Variants in HSD17B12 observed in about 807,000 individuals in gnomAD.
HSD17B12 encodes very-long-chain 3-oxoacyl-CoA reductase.
A neutral mutation model predicts 39.3 loss-of-function variants in HSD17B12; 32 were observed. That is an observed-to-expected ratio of 0.81 (90% CI 0.61 to 1.09). The LOEUF is 1.09. Ranked by LOEUF, HSD17B12 falls within the 50% of genes least tolerant of loss-of-function variation. The pLI is 0.00. For missense variants in HSD17B12, 342 were observed against 382.9 expected (o/e 0.89, Z 0.89); for synonymous variants, 150 against 146.7 (o/e 1.02, Z -0.16).
At chr11:43,797,497 G>T (rs997373722) in intron 3 of HSD17B12, among the ~76,000 whole-genome samples, 6 of 152,208 alleles carry the variant, frequency 3.9e-5, no homozygotes, top group Admixed American at 2.6e-4. Context: ...GAGGCTCAAA[G>T]AGGATGTGTG....
intron 3 of HSD17B12, among the ~76,000 whole-genome samples, chr11:43,756,604 G>A (rs971314281): frequency 2.4e-4 from 36 of 152,320 alleles, no homozygotes; most frequent in African/African-American, 8.4e-4. Context: ...TCTACTAGTT[G>A]CTAGAAATAA....
At chr11:43,636,467 G>A in the HSD17B12 span, among the ~76,000 whole-genome samples, 1 of 152,148 alleles carries the variant, frequency 6.6e-6, no homozygotes, top group Non-Finnish European at 1.5e-5. Flanking sequence ...ACATGAGATA[G>A]AGGATATATT....
chr11:43,770,889 T>A (rs1230209808), intron 3 of HSD17B12, among the ~76,000 whole-genome samples: 1 of 152,246 alleles, frequency 6.6e-6, no homozygotes, highest in Non-Finnish European at 1.5e-5. Flanking sequence ...TTGCCTTATT[T>A]TCAGTGAAAT....
At chr11:43,708,521 A>T (rs1029855581) in intron 1 of HSD17B12, among the ~76,000 whole-genome samples, 7 of 152,242 alleles carry the variant, frequency 4.6e-5, no homozygotes, top group African/African-American at 1.7e-4. Context: ...ATTATGCAAA[A>T]AATAAGAATA....
At chr11:43,738,075 AAT>A (rs1554963889) in intron 1 of HSD17B12, among the ~76,000 whole-genome samples, 3,164 of 150,718 alleles carry the variant, frequency 0.021, 121 homozygotes, top group African/African-American at 0.073. Context: ...AAAAAAAAAA[AAT>A]AGTGAACTCT....
chr11:43,693,812 A>C (rs1191927201), intron 1 of HSD17B12, among the ~76,000 whole-genome samples: 1 of 152,220 alleles, frequency 6.6e-6, no homozygotes, highest in Non-Finnish European at 1.5e-5. Flanking sequence ...CAGTAGGAAT[A>C]TTGTCAGCTT....
intron 1 of HSD17B12, among the ~76,000 whole-genome samples, chr11:43,696,271 A>G (rs920980936): frequency 6.6e-6 from 1 of 152,174 alleles, no homozygotes; most frequent in African/African-American, 2.4e-5. Context: ...TGAGCAAGAA[A>G]GCCATGGTCT....
chr11:43,611,755 T>C, the HSD17B12 span, among the ~76,000 whole-genome samples: 1 of 152,188 alleles, frequency 6.6e-6, no homozygotes, highest in Non-Finnish European at 1.5e-5. Flanking sequence ...CAATAGTGAA[T>C]TTTTTTGTTC....
the HSD17B12 span, among the ~76,000 whole-genome samples, chr11:43,663,517 C>T: frequency 6.6e-6 from 1 of 152,190 alleles, no homozygotes; most frequent in Admixed American, 6.5e-5. Context: ...CAGACATGAG[C>T]TACCATGACC....
intron 2 of HSD17B12, among the ~76,000 whole-genome samples, chr11:43,753,573 A>ATT (rs1233540822): frequency 1.4e-5 from 2 of 140,896 alleles, no homozygotes; most frequent in Non-Finnish European, 3.1e-5. Context: ...AAAAAAAAAA[A>ATT]TTTTTTTTTT....
Position 43,856,598 on chromosome 11 carries a change from A to G in HSD17B12, c.*1350A>G, listed in dbSNP as rs1490006034. 17 of 152,232 alleles carry G rather than the reference A, an allele frequency of 1.1e-4. No individual in the cohort carries two copies. 9.4% of individuals were successfully genotyped at this position (152,232 alleles called of 1,614,324 possible). ...AGGTTGTCATTTAAGTTGAATAAATATATAGCTTTATGAAAAACACATTGT... is the reference window on the plus strand; with the variant it reads ...AGGTTGTCATTTAAGTTGAATAAATGTATAGCTTTATGAAAAACACATTGT... On this transcript the variant is annotated 3_prime_UTR_variant, in exon 11 of 11. Coordinates refer to ENST00000278353, the MANE Select transcript of HSD17B12 (RefSeq NM_016142.3).
At chr11:43,655,421 C>G in the HSD17B12 span, among the ~76,000 whole-genome samples, 549 of 152,016 alleles carry the variant, frequency 3.6e-3, 3 homozygotes, top group African/African-American at 0.013. Flanking sequence ...TGATTGCCCT[C>G]GCCAGAACTT....
chr11:43,847,567 C>A (rs552022342), intron 9 of HSD17B12, among the ~76,000 whole-genome samples: 1 of 151,814 alleles, frequency 6.6e-6, no homozygotes, highest in Admixed American at 6.6e-5. Flanking sequence ...ATTAGCTGGG[C>A]GTGGTGGTGC....
At chr11:43,616,432 A>AAAAAAAAC in the HSD17B12 span, among the ~76,000 whole-genome samples, 6 of 150,826 alleles carry the variant, frequency 4.0e-5, no homozygotes, top group African/African-American at 4.9e-5. Context: ...AAACAAAAAA[A>AAAAAAAAC]AAACAAACAA....
intron 3 of HSD17B12, chr11:43,755,071 G>C: frequency 4.8e-6 from 2 of 412,480 alleles, no homozygotes; most frequent in Non-Finnish European, 8.6e-6. Flanking sequence ...AAATCAAATT[G>C]TTTACTTATT....
the HSD17B12 span, among the ~76,000 whole-genome samples, chr11:43,606,751 T>C: frequency 1.3e-5 from 2 of 152,188 alleles, no homozygotes; most frequent in Non-Finnish European, 2.9e-5. Flanking sequence ...TAGGCAGTGC[T>C]CTATGTGAAA....
At chr11:43,625,582 CAT>C in the HSD17B12 span, among the ~76,000 whole-genome samples, 12 of 151,456 alleles carry the variant, frequency 7.9e-5, no homozygotes, top group Non-Finnish European at 1.2e-4. Flanking sequence ...CATTTTATCA[CAT>C]GTTTATTTGA....
In HSD17B12 at chr11:43,760,201, T is replaced by A. The variant is rs182477216; in HGVS notation, c.283+6080T>A. On this transcript the variant is annotated intron_variant, in intron 3 of 10. Transcript: ENST00000278353. ...GCCTGAGTCACTGCTCCCAGCCTAA[T>A]TTTTTTGTTTGTTTTTTCTTGTATT... Among the ~76,000 whole-genome samples the A allele has an allele frequency of 7.9e-3, 1,207 of 151,968 alleles. 16 individuals are homozygous for A. The highest frequency in any genetic ancestry group is 0.011 in the Non-Finnish European group (775 of 67,932).
intron 1 of HSD17B12, among the ~76,000 whole-genome samples, chr11:43,718,016 G>T (rs555385290): frequency 1.3e-5 from 2 of 152,054 alleles, no homozygotes; most frequent in South Asian, 4.2e-4. Context: ...TGTTGCTCAG[G>T]CTGGTCTCAA....
Sources: gnomAD v4.1 joint callset for allele counts (sites outside exome capture counted in the v4.1 genomes callset) on GRCh38, gnomAD v4.1.1 for gene constraint, MANE v1.5 for transcripts, NCBI Gene and HGNC (gene_info 2026-07-23, HGNC 2026-07-21) for gene names.